Variants in SLC9C1 observed in about 807,000 individuals in gnomAD.
SLC9C1 encodes the protein solute carrier family 9 member C1, also known as sodium/hydrogen exchanger 10.
SLC9C1 carries 97 observed loss-of-function variants against 140.9 expected under a neutral mutation model. That is an observed-to-expected ratio of 0.69 (90% CI 0.58 to 0.82). The LOEUF is 0.82. Ranked by LOEUF, SLC9C1 falls within the 40% of genes least tolerant of loss-of-function variation. The pLI, the probability that SLC9C1 is intolerant of heterozygous loss-of-function variation, is 0.00. For missense variants in SLC9C1, 1,340 were observed against 1,389.3 expected (o/e 0.96, Z 0.56); for synonymous variants, 440 against 442.6 (o/e 0.99, Z 0.07).
chr3:112,256,336 T>C (rs1328706171), intron 10 of SLC9C1, among the ~76,000 whole-genome samples: 1 of 152,100 alleles, frequency 6.6e-6, no homozygotes, highest in Non-Finnish European at 1.5e-5. Flanking sequence ...AACAAAATAC[T>C]AGTAAACCAA....
At position 112,169,347 on chromosome 3, in the gene SLC9C1, A is replaced by G; in HGVS notation, c.2920-19T>C. ...AACATGTCTGGAAAAGAAGGATGTA[A>G]ATTTGATATTTTATTTTGTGCACTA... On this transcript the variant is annotated intron_variant, in intron 23 of 28. Transcript: ENST00000305815. 6.3e-7 allele frequency: 1 copy of G among 1,597,700 alleles called. No homozygotes were observed. Among genetic ancestry groups the G allele is most frequent in the Non-Finnish European group, 8.5e-7 (1 of 1,173,660 alleles).
At chr3:112,182,099 TA>T in intron 21 of SLC9C1, 33 bp downstream of exon 21, 1 of 1,363,928 alleles carries the variant, frequency 7.3e-7, no homozygotes, top group Non-Finnish European at 9.8e-7. Context: ...GTTAGTACAT[TA>T]AAAATATTAT....
chr3:112,203,209 C>T (rs1191253728), intron 17 of SLC9C1, among the ~76,000 whole-genome samples: 2 of 151,980 alleles, frequency 1.3e-5, no homozygotes, highest in African/African-American at 4.8e-5. Context: ...TTCCAAGGAC[C>T]TGTGATTTAA....
chr3:112,250,537 A>AC (rs2079425816), intron 10 of SLC9C1, among the ~76,000 whole-genome samples: 1 of 151,512 alleles, frequency 6.6e-6, no homozygotes, highest in Non-Finnish European at 1.5e-5. Flanking sequence ...CAACAGTGTA[A>AC]AAGTGTTCCT....
intron 10 of SLC9C1, among the ~76,000 whole-genome samples, chr3:112,256,280 A>G (rs2079604012): frequency 6.6e-6 from 1 of 152,138 alleles, no homozygotes; most frequent in South Asian, 2.1e-4. Flanking sequence ...ACAAAAAAGA[A>G]AACTTAAGGC....
intron 6 of SLC9C1, among the ~76,000 whole-genome samples, chr3:112,270,508 T>C (rs1179847411): frequency 1.3e-5 from 2 of 152,244 alleles, no homozygotes; most frequent in East Asian, 3.8e-4. Flanking sequence ...TGAACATTTT[T>C]TAATGTACCT....
chr3:112,215,306 G>C (rs942937846), intron 15 of SLC9C1, among the ~76,000 whole-genome samples: 5 of 152,162 alleles, frequency 3.3e-5, no homozygotes, highest in Non-Finnish European at 7.3e-5. Flanking sequence ...CACAAGACAG[G>C]GATGCCCTCT....
chr3:112,150,089 C>G (rs1024868954), intron 28 of SLC9C1, among the ~76,000 whole-genome samples: 4 of 152,164 alleles, frequency 2.6e-5, no homozygotes, highest in Non-Finnish European at 5.9e-5. Flanking sequence ...AAGCACAATT[C>G]TAGCACCTAC....
At chr3:112,210,446 C>A (rs1291800605) in intron 15 of SLC9C1, among the ~76,000 whole-genome samples, 4 of 152,132 alleles carry the variant, frequency 2.6e-5, no homozygotes, top group Non-Finnish European at 5.9e-5. Flanking sequence ...AAACACAAGG[C>A]TACATAGTGA....
At chr3:112,202,935 T>C (rs1422278246) in intron 17 of SLC9C1, among the ~76,000 whole-genome samples, 2 of 151,920 alleles carry the variant, frequency 1.3e-5, no homozygotes, top group South Asian at 2.1e-4. Context: ...GCAGAGTTCA[T>C]TGATCCCTTT....
At chr3:112,284,938 A>G (rs2080460706) in intron 2 of SLC9C1, among the ~76,000 whole-genome samples, 2 of 151,196 alleles carry the variant, frequency 1.3e-5, no homozygotes, top group Non-Finnish European at 2.9e-5. Context: ...TATTAAGTAT[A>G]CTAAATAAAT....
chr3:112,234,622 A>C (rs1004306846), intron 12 of SLC9C1, among the ~76,000 whole-genome samples: 2 of 152,188 alleles, frequency 1.3e-5, no homozygotes, highest in Non-Finnish European at 2.9e-5. Flanking sequence ...TCTAACATTT[A>C]AGTCTTTAAT....
At chr3:112,165,557 T>A (rs2077109803) in intron 26 of SLC9C1, among the ~76,000 whole-genome samples, 1 of 152,188 alleles carries the variant, frequency 6.6e-6, no homozygotes, top group Admixed American at 6.5e-5. Flanking sequence ...TTTGCCTGGG[T>A]ATCAGCAGTG....
At chr3:112,181,615 A>G (rs1167285689) in intron 21 of SLC9C1, among the ~76,000 whole-genome samples, 1 of 152,200 alleles carries the variant, frequency 6.6e-6, no homozygotes, top group Admixed American at 6.5e-5. Flanking sequence ...AATGTAATGT[A>G]CTTAATGCTA....
At chr3:112,225,092 C>A (rs1365686273) in intron 13 of SLC9C1, among the ~76,000 whole-genome samples, 1 of 152,136 alleles carries the variant, frequency 6.6e-6, no homozygotes, top group Admixed American at 6.5e-5. Flanking sequence ...ACATTGTAGT[C>A]AAACTGTCAA....
At chr3:112,214,077 T>C (rs1262613688) in intron 15 of SLC9C1, among the ~76,000 whole-genome samples, 1 of 152,186 alleles carries the variant, frequency 6.6e-6, no homozygotes, top group East Asian at 1.9e-4. Flanking sequence ...CTCAACTACA[T>C]GGAAACCGAA....
At chr3:112,224,214 A>G (rs1291653543) in intron 13 of SLC9C1, among the ~76,000 whole-genome samples, 1 of 152,172 alleles carries the variant, frequency 6.6e-6, no homozygotes, top group Admixed American at 6.5e-5. Context: ...AATGACATTG[A>G]CTGTAGCTGA....
intron 14 of SLC9C1, among the ~76,000 whole-genome samples, chr3:112,219,988 C>T (rs147692218): frequency 3.3e-4 from 50 of 152,194 alleles, no homozygotes; most frequent in African/African-American, 1.1e-3. Flanking sequence ...AAAATATGCA[C>T]GGTATTGTTT....
intron 10 of SLC9C1, among the ~76,000 whole-genome samples, chr3:112,251,056 T>A (rs1576448431): frequency 6.6e-6 from 1 of 151,792 alleles, no homozygotes; most frequent in African/African-American, 2.4e-5. Flanking sequence ...TACTATGCAG[T>A]CATAAAAAGA....
Sources: gnomAD v4.1 joint callset for allele counts (sites outside exome capture counted in the v4.1 genomes callset) on GRCh38, gnomAD v4.1.1 for gene constraint, MANE v1.5 for transcripts, NCBI Gene and HGNC (gene_info 2026-07-23, HGNC 2026-07-21) for gene names.